GLRA1: variants seen among roughly 807,000 people sequenced by gnomAD.
GLRA1 encodes the protein glycine receptor subunit alpha-1.
A neutral mutation model predicts 48.3 loss-of-function variants in GLRA1; 37 were observed. The observed-to-expected ratio is 0.77, with a 90% CI of 0.59 to 1.01. GLRA1 has a LOEUF of 1.01. GLRA1 is among the 50% of genes least tolerant of loss of function. The probability of loss-of-function intolerance (pLI) is 0.00; values close to 1 mark genes in which losing one functional copy is unlikely to be tolerated. For missense variants in GLRA1, 427 were observed against 571.0 expected (o/e 0.75, Z 2.57); for synonymous variants, 196 against 210.7 (o/e 0.93, Z 0.60).
At chr5:151,915,411 A>T (rs1361469576) in intron 1 of GLRA1, among the ~76,000 whole-genome samples, 2 of 151,980 alleles carry the variant, frequency 1.3e-5, no homozygotes, top group African/African-American at 4.8e-5. Flanking sequence ...GAAATACCAC[A>T]TGTTTTCATA....
chr5:151,855,167 C>T lies in GLRA1; in HGVS notation c.570G>A (p.Thr190=), dbSNP rs768174352. The T allele has an allele frequency of 1.7e-5, 27 of 1,613,920 alleles. No individual in the cohort carries two copies. In the East Asian group the frequency reaches 2.2e-4, roughly 13 times the overall value. ...GCCACTCAAAGATGAGGTCATTCAT[C>T]GTATATCCAACTGGGATGGGATCAG... The part of the protein sequence containing the change: ...CIMQLESFGY[T]MNDLIFEWQE... The change falls in exon 6 of 9, where the codon ACG becomes ACA. Residue 190 remains threonine, a synonymous_variant. Transcript: ENST00000274576.
chr5:151,840,061 A>G (rs1398844342), intron 7 of GLRA1, among the ~76,000 whole-genome samples: 3 of 152,022 alleles, frequency 2.0e-5, no homozygotes, highest in Non-Finnish European at 4.4e-5. Context: ...TAGTAAAAGA[A>G]ATGACCAGGG....
intron 7 of GLRA1, among the ~76,000 whole-genome samples, chr5:151,833,753 G>A (rs186568042): frequency 3.9e-4 from 57 of 147,322 alleles, no homozygotes; most frequent in Admixed American, 8.2e-4. Context: ...ATGAGCAATC[G>A]TGTCTGGCAG....
At chr5:151,850,868 G>T in intron 7 of GLRA1, 1 of 641,292 alleles carries the variant, frequency 1.6e-6, no homozygotes, top group Non-Finnish European at 2.9e-6. Flanking sequence ...TCTCCCAATT[G>T]TCCCAATTGC....
At chr5:151,875,663 G>T (rs1753608554) in intron 3 of GLRA1, 1 of 152,186 alleles carries the variant, frequency 6.6e-6, no homozygotes. Flanking sequence ...AGACGAGATT[G>T]GGTGTGTTCA....
intron 3 of GLRA1, among the ~76,000 whole-genome samples, chr5:151,863,285 C>T (rs566718016): frequency 2.0e-5 from 3 of 152,012 alleles, no homozygotes; most frequent in Non-Finnish European, 4.4e-5. Flanking sequence ...ATGTGATGGC[C>T]TGTACAGTAG....
At chr5:151,830,361 G>T (rs12515762) in intron 7 of GLRA1, among the ~76,000 whole-genome samples, 29,518 of 152,276 alleles carry the variant, frequency 0.19, 3,572 homozygotes, top group South Asian at 0.32. Flanking sequence ...ACCTGAGGCA[G>T]TTGGGGCAAA....
chr5:151,828,477 A>C (rs948730713), intron 8 of GLRA1, among the ~76,000 whole-genome samples: 1 of 152,178 alleles, frequency 6.6e-6, no homozygotes, highest in Non-Finnish European at 1.5e-5. Context: ...TCTTTCCTAG[A>C]GGCAGGAAGC....
chr5:151,880,247 C>T (rs1395597695), intron 3 of GLRA1, among the ~76,000 whole-genome samples: 1 of 152,202 alleles, frequency 6.6e-6, no homozygotes, highest in Non-Finnish European at 1.5e-5. Context: ...ATTTCTATAG[C>T]ATTTACCAAA....
intron 1 of GLRA1, among the ~76,000 whole-genome samples, chr5:151,920,267 G>A (rs59997073): frequency 0.024 from 3,675 of 152,272 alleles, 168 homozygotes; most frequent in African/African-American, 0.083. Context: ...AGTCATTTGA[G>A]TTGATTGGTA....
intron 3 of GLRA1, among the ~76,000 whole-genome samples, chr5:151,874,351 ATCCATGTAACAAACCT>A (rs1361401818): frequency 1.3e-4 from 20 of 152,334 alleles, no homozygotes; most frequent in African/African-American, 4.6e-4. Flanking sequence ...TATGCAATAT[ATCCATGTAACAAACCT>A]CCACATGACC....
At chr5:151,895,008 T>C (rs1209002125) in intron 1 of GLRA1, among the ~76,000 whole-genome samples, 2 of 152,198 alleles carry the variant, frequency 1.3e-5, no homozygotes, top group African/African-American at 2.4e-5. Flanking sequence ...TTTGTGTGTG[T>C]CTATGATGTA....
chr5:151,859,835 G>T lies in GLRA1; in HGVS notation c.426C>A (p.Asp142Glu). ...KGAHFHEITT[D>E]NKLLRISRNG... The stretch of plus-strand genomic sequence containing the variant: ...TCCGGGAGATCCTTAGCAATTTGTT[G>T]TCTGTGGTGATCTCATGGAAGTGGG... The change falls in exon 4 of 9, where the codon GAC becomes GAA. Residue 142 changes from aspartate to glutamate, a missense_variant. This residue lies in a region of GLRA1 where 271 missense variants were observed against 434.9 expected (regional missense o/e 0.62). Transcript: ENST00000274576. 6.2e-7 allele frequency: 1 copy of T among 1,614,078 alleles called. No individual in the cohort carries two copies. The highest frequency in any genetic ancestry group is 8.5e-7 in the Non-Finnish European group (1 of 1,179,968).
intron 1 of GLRA1, among the ~76,000 whole-genome samples, chr5:151,913,309 A>G (rs1331512930): frequency 1.3e-5 from 2 of 152,228 alleles, no homozygotes; most frequent in African/African-American, 4.8e-5. Context: ...GTTTGAACCT[A>G]GAGCTGGTTG....
chr5:151,849,455 CCTT>C lies in GLRA1; in HGVS notation c.912+1932_912+1934del, dbSNP rs1253907006. Among the ~76,000 whole-genome samples the C allele has an allele frequency of 6.3e-5, 3 of 47,936 alleles. 1 individual carries two copies. Among genetic ancestry groups the C allele is most frequent in the African/African-American group, 3.7e-4 (3 of 8,056 alleles). 31.4% of individuals were successfully genotyped at this position (47,936 alleles called of 152,430 possible). On this transcript the variant is annotated intron_variant, in intron 7 of 8. Coordinates refer to ENST00000274576, the MANE Select transcript of GLRA1 (RefSeq NM_000171.4). ...CCTTTCCTTTCCTTTCCTTTCCTTTCCTTCCTTCCTTCCTTCCTTCCTTCCTTC... is the reference window on the plus strand; with the variant it reads ...CCTTTCCTTTCCTTTCCTTTCCTTTCCCTTCCTTCCTTCCTTCCTTCCTTC...
At chr5:151,909,649 G>C (rs1005614317) in intron 1 of GLRA1, among the ~76,000 whole-genome samples, 1 of 152,032 alleles carries the variant, frequency 6.6e-6, no homozygotes, top group African/African-American at 2.4e-5. Context: ...GGTAAGTTCT[G>C]GTCCCTAGTA....
intron 7 of GLRA1, among the ~76,000 whole-genome samples, chr5:151,835,766 A>C (rs1336354345): frequency 6.6e-6 from 1 of 152,200 alleles, no homozygotes; most frequent in Non-Finnish European, 1.5e-5. Flanking sequence ...ACACCCCTTC[A>C]TGCTAAAAAC....
intron 2 of GLRA1, among the ~76,000 whole-genome samples, chr5:151,888,945 G>C (rs1159300675): frequency 1.3e-5 from 2 of 152,200 alleles, no homozygotes; most frequent in African/African-American, 4.8e-5. Context: ...GAAAAAACTT[G>C]AATGGTCAGG....
Position 151,924,557 on chromosome 5 carries a change from G to A in GLRA1, c.-8C>T. The A allele has an allele frequency of 1.9e-6, 3 of 1,588,270 alleles. No homozygotes were observed. In the Admixed American group the frequency reaches 5.0e-5, roughly 26 times the overall value. On this transcript the variant is annotated 5_prime_UTR_variant, in exon 1 of 9. Transcript: ENST00000274576. ...AGTATTGAAGCTGTACATTTTTCAGGTCCTTGTGCTTTGTAGTCCACGAGT... is the reference window on the plus strand; with the variant it reads ...AGTATTGAAGCTGTACATTTTTCAGATCCTTGTGCTTTGTAGTCCACGAGT...
Sources: gnomAD v4.1 joint callset for allele counts (sites outside exome capture counted in the v4.1 genomes callset) on GRCh38, gnomAD v4.1.1 for gene constraint, gnomAD v4.1.1 regional missense constraint, MANE v1.5 for transcripts, NCBI Gene and HGNC (gene_info 2026-07-23, HGNC 2026-07-21) for gene names.